Variants in ACAD10 observed in about 807,000 individuals in gnomAD.
The protein encoded by ACAD10 is ACAD-10.
In ACAD10, 112 loss-of-function variants were observed where a neutral mutation model predicts 116.8. The observed-to-expected ratio is 0.96, with a 90% confidence interval of 0.82 to 1.12. ACAD10 has a LOEUF of 1.12. Among genes scored for constraint, ACAD10 ranks in the 50% most tolerant of loss-of-function variants. The pLI, the probability that ACAD10 is intolerant of heterozygous loss-of-function variation, is 0.00. For missense variants in ACAD10, 1,259 were observed against 1,350.2 expected (o/e 0.93, Z 1.06); for synonymous variants, 486 against 510.6 (o/e 0.95, Z 0.65).
chr12:111,727,467 T>G (rs1356048553), intron 8 of ACAD10, among the ~76,000 whole-genome samples: 1 of 151,910 alleles, frequency 6.6e-6, no homozygotes, highest in Non-Finnish European at 1.5e-5. Context: ...GAGCTTGCAG[T>G]GAGCCGAGAT....
intron 8 of ACAD10, among the ~76,000 whole-genome samples, chr12:111,727,316 A>T (rs1389831808): frequency 6.6e-6 from 1 of 152,128 alleles, no homozygotes; most frequent in Non-Finnish European, 1.5e-5. Context: ...CGAGGTCAGG[A>T]GATCAAGACC....
chr12:111,728,893 T>G (rs1232956736), intron 9 of ACAD10, among the ~76,000 whole-genome samples: 2 of 152,150 alleles, frequency 1.3e-5, no homozygotes, highest in Non-Finnish European at 2.9e-5. Context: ...TTTTGCCACA[T>G]TGCCCAGGCT....
At chr12:111,725,231 G>A (rs567764008) in intron 8 of ACAD10, among the ~76,000 whole-genome samples, 3 of 152,120 alleles carry the variant, frequency 2.0e-5, no homozygotes, top group African/African-American at 7.2e-5. Context: ...ACATTGACCG[G>A]GCATAGTGGC....
intron 18 of ACAD10, among the ~76,000 whole-genome samples, chr12:111,750,334 A>G (rs1351653221): frequency 1.3e-5 from 2 of 151,314 alleles, no homozygotes; most frequent in Non-Finnish European, 2.9e-5. Context: ...GTTAGCCAGG[A>G]TGGTCTCGAT....
intron 9 of ACAD10, 77 bp from the exon 10 acceptor site, chr12:111,729,729 A>G (rs1889331566): frequency 1.3e-6 from 2 of 1,541,942 alleles, no homozygotes; most frequent in Admixed American, 1.7e-5. Context: ...AAAGGGTTTC[A>G]CTGCACTGGT....
Position 111,702,256 on chromosome 12 carries a change from A to G in ACAD10, c.282A>G (p.Ala94=), listed in dbSNP as rs147200610. The change falls in exon 3 of 21, where the codon GCA becomes GCG. Residue 94 remains alanine (A), a synonymous_variant. Transcript: ENST00000313698. ...GGCCCTGGATGAGATTTATGAGAGC[A>G]GAAATAACAGCAGAGGGTTTTTTAC... ...ENGPWMRFMR[A]EITAEGFLRE... is the part of the protein sequence containing the mutation. 40 of 1,614,104 alleles carry G rather than the reference A, an allele frequency of 2.5e-5. No individual in the cohort carries two copies. Among genetic ancestry groups the G allele is most frequent in the Non-Finnish European group, 3.3e-5 (39 of 1,180,044 alleles).
rs1889942143 is a variant in ACAD10, at chr12:111,747,366, T to C, written c.2466T>C (p.Gly822=). The change falls in exon 16 of 21, where the codon GGT becomes GGC. Residue 822 remains glycine (G), a synonymous_variant. Coordinates refer to ENST00000313698, the MANE Select transcript of ACAD10 (RefSeq NM_025247.6). The part of the protein sequence containing the change: ...REEDSFYVIN[G]HKWWITGILD... ...AGGACAGCTTCTATGTCATAAACGG[T>C]CACAAATGGTGGATCACAGGTATTT... 6.2e-7 allele frequency: 1 copy of C among 1,614,042 alleles called. No homozygotes were observed. The highest frequency in any genetic ancestry group is 1.1e-5 in the South Asian group (1 of 91,082).
chr12:111,731,424 T>C (rs1049096221), intron 10 of ACAD10, among the ~76,000 whole-genome samples: 1 of 152,236 alleles, frequency 6.6e-6, no homozygotes, highest in Non-Finnish European at 1.5e-5. Context: ...GCCATTGCCA[T>C]GTATTTCCTT....
chr12:111,709,892 G>A (rs1234724168), intron 5 of ACAD10: 8 of 579,316 alleles, frequency 1.4e-5, no homozygotes, highest in Non-Finnish European at 2.0e-5. Context: ...TACTGCGAAG[G>A]CAGGTTGAGA....
chr12:111,702,035 A>G, intron 2 of ACAD10, 127 bp from the exon 3 acceptor site: 1 of 1,024,936 alleles, frequency 9.8e-7, no homozygotes, highest in Non-Finnish European at 1.4e-6. Flanking sequence ...AATGTCTGCA[A>G]ATTTCCAACA....
In ACAD10 at chr12:111,756,916, C is replaced by A; in HGVS notation, c.*443C>A. On this transcript the variant is annotated 3_prime_UTR_variant, in exon 21 of 21. Transcript: ENST00000313698. ...TCCCTGGTGAGCAGAGGGGCGGCCA[C>A]GGCGGGCGGTGGCCTAGAGACCCAG... 2.2e-6 allele frequency: 1 copy of A among 457,790 alleles called. No homozygotes were observed. Among genetic ancestry groups the A allele is most frequent in the Non-Finnish European group, 4.4e-6 (1 of 228,004 alleles). 28.4% of individuals were successfully genotyped at this position (457,790 alleles called of 1,614,324 possible).
At position 111,756,466 on chromosome 12, in the gene ACAD10, G is replaced by T; in HGVS notation, c.3173G>T (p.Arg1058Leu). ...GTGGCCAAGCTAGAGCTGAAGCACC[G>T]CATTTAGAGCCTTGGGGCTGCAGTG... ...ATVAKLELKHRI is the reference protein window; with the variant it reads ...ATVAKLELKHLI The change falls in exon 21 of 21, where the codon CGC becomes CTC. Residue 1058 changes from arginine (R) to leucine (L), a missense_variant. Arg to Leu is a moderately radical substitution (Grantham distance 102). Coordinates refer to ENST00000313698, the MANE Select transcript of ACAD10 (RefSeq NM_025247.6). 2 of 1,612,022 alleles carry T rather than the reference G, an allele frequency of 1.2e-6. No individual in the cohort carries two copies. Among genetic ancestry groups the T allele is most frequent in the Non-Finnish European group, 1.7e-6 (2 of 1,179,718 alleles).
chr12:111,720,803 A>T (rs1300988977), intron 7 of ACAD10, among the ~76,000 whole-genome samples: 1 of 150,414 alleles, frequency 6.6e-6, no homozygotes, highest in African/African-American at 2.4e-5. Context: ...TTTTTTTTTG[A>T]GATGGAGTCT....
chr12:111,734,715 C>A (rs1211414252), intron 11 of ACAD10, among the ~76,000 whole-genome samples: 1 of 152,200 alleles, frequency 6.6e-6, no homozygotes, highest in African/African-American at 2.4e-5. Context: ...TTAGTAGTCC[C>A]AGAGATAACC....
At chr12:111,746,014 C>G in intron 13 of ACAD10, 130 bp from the exon 14 acceptor site, 1 of 1,177,764 alleles carries the variant, frequency 8.5e-7, no homozygotes, top group Non-Finnish European at 1.2e-6. Context: ...CTCCTCATAT[C>G]ATTTTTTTGG....
intron 20 of ACAD10, 165 bp downstream of exon 20, chr12:111,755,910 T>TGGGA: frequency 2.6e-6 from 2 of 781,680 alleles, no homozygotes; most frequent in Non-Finnish European, 4.3e-6. Flanking sequence ...CCCAGCAAGG[T>TGGGA]GGGAGGTGCC....
At chr12:111,718,354 ATATCCTTTCTT>A (rs1383560359) in intron 7 of ACAD10, among the ~76,000 whole-genome samples, 1 of 151,188 alleles carries the variant, frequency 6.6e-6, no homozygotes, top group Non-Finnish European at 1.5e-5. Context: ...CACCCTAGTG[ATATCCTTTCTT>A]TATCACTGCT....
chr12:111,692,157 G>T (rs1888064905), intron 1 of ACAD10, among the ~76,000 whole-genome samples: 1 of 152,126 alleles, frequency 6.6e-6, no homozygotes, highest in Admixed American at 6.5e-5. Flanking sequence ...TAGTAGAGGT[G>T]GGGTTTCTCC....
At chr12:111,728,596 C>T (rs1404927752) in intron 9 of ACAD10, among the ~76,000 whole-genome samples, 1 of 152,152 alleles carries the variant, frequency 6.6e-6, no homozygotes, top group East Asian at 1.9e-4. Flanking sequence ...TGGTCTCAAA[C>T]TTCTGGGCTC....
Sources: allele counts gnomAD v4.1 joint callset (sites outside exome capture counted in the v4.1 genomes callset), GRCh38; gene constraint gnomAD v4.1.1; transcripts MANE v1.5; gene names NCBI Gene and HGNC (gene_info 2026-07-23, HGNC 2026-07-21).